The following SRGAP3 variants were observed in gnomAD, a reference collection of about 807,000 sequenced individuals.
SRGAP3 encodes the protein SLIT-ROBO Rho GTPase activating protein 3.
SRGAP3 carries 39 observed loss-of-function variants against 121.1 expected under a neutral mutation model. The ratio of observed to expected loss-of-function variants is 0.32; its 90% CI spans 0.25 to 0.42. SRGAP3 has a LOEUF of 0.42. SRGAP3 is among the 10% of genes least tolerant of loss of function. The pLI, the probability that SRGAP3 is intolerant of heterozygous loss-of-function variation, is 1.00. For synonymous variants in SRGAP3, 601 were observed against 570.0 expected (o/e 1.05, Z -0.77); for missense variants, 1,213 against 1,470.6 (o/e 0.82, Z 2.86).
At chr3:9,262,534 C>CAAAAAAAAAAAGAAAAAA (rs1954274780) in intron 3 of SRGAP3, among the ~76,000 whole-genome samples, 1 of 25,582 alleles carries the variant, frequency 3.9e-5, no homozygotes. Flanking sequence ...AAATGGAAAG[C>CAAAAAAAAAAAGAAAAAA]AAAAAAAAAA....
chr3:9,067,496 A>T (rs1352902602), intron 4 of SRGAP3, among the ~76,000 whole-genome samples: 1 of 151,854 alleles, frequency 6.6e-6, no homozygotes, highest in Non-Finnish European at 1.5e-5. Context: ...ATCACATCCA[A>T]ATAACTCAAT....
chr3:9,093,821 A>T (rs752409245), intron 3 of SRGAP3, among the ~76,000 whole-genome samples: 1 of 152,206 alleles, frequency 6.6e-6, no homozygotes, highest in African/African-American at 2.4e-5. Flanking sequence ...CCTTCAATGG[A>T]TCTCTAATGT....
intron 1 of SRGAP3, among the ~76,000 whole-genome samples, chr3:9,191,070 C>T (rs1159527785): frequency 6.6e-6 from 1 of 152,204 alleles, no homozygotes; most frequent in Admixed American, 6.5e-5. Context: ...AGTTTCTCGT[C>T]CCCCTCCTCC....
At chr3:9,120,247 G>A (rs570887647) in intron 2 of SRGAP3, among the ~76,000 whole-genome samples, 6 of 152,264 alleles carry the variant, frequency 3.9e-5, no homozygotes, top group South Asian at 2.1e-4. Context: ...AGAGTACGAC[G>A]GGCACACAGA....
chr3:9,131,212 C>T (rs1039793347), intron 1 of SRGAP3, among the ~76,000 whole-genome samples: 1 of 152,208 alleles, frequency 6.6e-6, no homozygotes, highest in African/African-American at 2.4e-5. Flanking sequence ...GCACAGACTT[C>T]ATTCAGCAGA....
At chr3:9,173,044 C>T (rs1324026619) in intron 1 of SRGAP3, among the ~76,000 whole-genome samples, 1 of 152,166 alleles carries the variant, frequency 6.6e-6, no homozygotes, top group Non-Finnish European at 1.5e-5. Flanking sequence ...GCCACAAGCC[C>T]CTAAGCACTG....
chr3:9,099,381 G>A (rs1264645845), intron 3 of SRGAP3, among the ~76,000 whole-genome samples: 1 of 152,204 alleles, frequency 6.6e-6, no homozygotes, highest in Non-Finnish European at 1.5e-5. Flanking sequence ...AGGCATCAGA[G>A]CATAGAATAA....
chr3:9,349,271 T>G (rs2029932353), intron 1 of SRGAP3: 5 of 499,372 alleles, frequency 1.0e-5, no homozygotes, highest in South Asian at 9.2e-5. Context: ...CCTGCACATG[T>G]CACACTGACC....
At chr3:9,149,224 A>G (rs913029255) in intron 1 of SRGAP3, among the ~76,000 whole-genome samples, 11 of 151,756 alleles carry the variant, frequency 7.2e-5, no homozygotes, top group Non-Finnish European at 1.2e-4. Context: ...AAAAAAAAAA[A>G]AAAAAAAGAA....
At chr3:9,287,982 ACAGGTATCTTTCAC>A (rs1409667244) in intron 3 of SRGAP3, among the ~76,000 whole-genome samples, 13 of 152,144 alleles carry the variant, frequency 8.5e-5, no homozygotes, top group Non-Finnish European at 1.8e-4. Flanking sequence ...GAATGTATGG[ACAGGTATCTTTCAC>A]CAGTACTGAA....
intron 3 of SRGAP3, among the ~76,000 whole-genome samples, chr3:9,254,705 A>G (rs181330619): frequency 6.6e-6 from 1 of 152,212 alleles, no homozygotes; most frequent in Admixed American, 6.5e-5. Flanking sequence ...TTGAGGTGGG[A>G]GAATCACTTG....
At chr3:9,260,390 G>C (rs1954229649) in intron 3 of SRGAP3, among the ~76,000 whole-genome samples, 1 of 152,158 alleles carries the variant, frequency 6.6e-6, no homozygotes, top group South Asian at 2.1e-4. Context: ...AGCAAGCTAA[G>C]ATTCACTGTC....
chr3:9,052,389 G>T (rs1449635006), intron 9 of SRGAP3, among the ~76,000 whole-genome samples: 1 of 152,142 alleles, frequency 6.6e-6, no homozygotes, highest in East Asian at 1.9e-4. Flanking sequence ...TTAATCTTGG[G>T]AGCAATCAGG....
At chr3:9,232,120 G>A (rs1304664469) in intron 1 of SRGAP3, among the ~76,000 whole-genome samples, 2 of 152,252 alleles carry the variant, frequency 1.3e-5, no homozygotes, top group African/African-American at 4.8e-5. Flanking sequence ...AAAATATTAC[G>A]TTTCATTTCA....
intron 1 of SRGAP3, among the ~76,000 whole-genome samples, chr3:9,170,190 C>T (rs1181919770): frequency 6.6e-6 from 1 of 152,136 alleles, no homozygotes; most frequent in African/African-American, 2.4e-5. Flanking sequence ...TAGAAGAAAC[C>T]GCCCCCAGTC....
At chr3:9,272,435 C>T (rs1185077490) in intron 3 of SRGAP3, among the ~76,000 whole-genome samples, 2 of 152,196 alleles carry the variant, frequency 1.3e-5, no homozygotes, top group African/African-American at 4.8e-5. Context: ...CTGGTAGCCT[C>T]CATTCTACTT....
At chr3:9,104,624 C>A (rs1948346217) in intron 3 of SRGAP3, 56 bp downstream of exon 3, 1 of 1,608,862 alleles carries the variant, frequency 6.2e-7, no homozygotes. Context: ...TATACTGTTA[C>A]CATGGGCCAG....
chr3:9,306,133 T>C (rs1045905646), intron 3 of SRGAP3, among the ~76,000 whole-genome samples: 21 of 152,368 alleles, frequency 1.4e-4, no homozygotes, highest in African/African-American at 5.0e-4. Context: ...CATCTCATTG[T>C]GGTTTTGATC....
intron 14 of SRGAP3, among the ~76,000 whole-genome samples, chr3:9,019,281 G>A (rs974273816): frequency 1.3e-5 from 2 of 152,200 alleles, no homozygotes; most frequent in Non-Finnish European, 2.9e-5. Flanking sequence ...AGACATAGTC[G>A]AATTCTTCAC....
Sources: gnomAD v4.1 joint callset for allele counts (sites outside exome capture counted in the v4.1 genomes callset) on GRCh38, gnomAD v4.1.1 for gene constraint, MANE v1.5 for transcripts, NCBI Gene and HGNC (gene_info 2026-07-23, HGNC 2026-07-21) for gene names.